Variants in KCNMB3 observed in about 807,000 individuals in gnomAD.
KCNMB3 encodes potassium calcium-activated channel subfamily M regulatory beta subunit 3.
In KCNMB3, 18 loss-of-function variants were observed where a neutral mutation model predicts 11.9. The observed-to-expected ratio is 1.51, with a 90% CI of 1.04 to 2.23. The LOEUF is 2.23. KCNMB3 is among the 30% of genes most tolerant of loss of function. KCNMB3 has a pLI of 0.00. For synonymous variants in KCNMB3, 78 were observed against 119.2 expected (o/e 0.65, Z 2.25); for missense variants, 247 against 329.4 (o/e 0.75, Z 1.94).
rs1379020730 is a variant in KCNMB3, at chr3:179,258,923, T to C, written c.62+7726A>G. The C allele has an allele frequency of 1.9e-6, 3 of 1,612,466 alleles. No individual in the cohort carries two copies. The African/African-American group carries it at 4.0e-5, about 22-fold the overall frequency. ...TGGTGATTGGCATACAGTGCATCTC[T>C]ATGAATTTAGAACATTCTACTTACA... On this transcript the variant is annotated intron_variant, in intron 1 of 3. Coordinates refer to the KCNMB3 transcript ENST00000349697.
intron 1 of KCNMB3, chr3:179,260,280 A>T: frequency 6.2e-7 from 1 of 1,613,968 alleles, no homozygotes; most frequent in Non-Finnish European, 8.5e-7. Context: ...ATTTGACTCA[A>T]CCTGTGCTGT....
At chr3:179,262,867 G>A (rs1280647620) in intron 1 of KCNMB3, among the ~76,000 whole-genome samples, 1 of 152,240 alleles carries the variant, frequency 6.6e-6, no homozygotes, top group East Asian at 1.9e-4. Flanking sequence ...GATACAGGGT[G>A]CTGATTGGTG....
chr3:179,259,779 T>C, intron 1 of KCNMB3: 2 of 1,601,794 alleles, frequency 1.2e-6, no homozygotes, highest in Non-Finnish European at 1.7e-6. Context: ...CTGTTGGTCA[T>C]TCTTTTCTTC....
upstream of KCNMB3, among the ~76,000 whole-genome samples, chr3:179,256,370 A>G (rs1322339070): frequency 6.6e-6 from 1 of 152,196 alleles, no homozygotes; most frequent in African/African-American, 2.4e-5. Flanking sequence ...CAGGAGGCAG[A>G]GGTTGCAGTA....
Position 179,263,795 on chromosome 3 carries a change from CTTT to C in KCNMB3, c.62+2851_62+2853del, listed in dbSNP as rs1181078403. 3.6e-5 allele frequency among the ~76,000 whole-genome samples: 4 copies of C among 110,098 alleles called. No individual in the cohort carries two copies. The East Asian group carries it at 1.1e-3, about 30-fold the overall frequency. 72.2% of individuals were successfully genotyped at this position (110,098 alleles called of 152,430 possible). ...TTGTTTCTGTTTTGTTTTTCTTTTT[CTTT>C]TCTTTTTTTTTTTTTTTTTTTTTTT... On this transcript the variant is annotated intron_variant, in intron 1 of 3. Transcript: ENST00000349697.
At chr3:179,250,707 A>T in intron 1 of KCNMB3, 36 bp downstream of exon 1, 1 of 1,607,344 alleles carries the variant, frequency 6.2e-7, no homozygotes, top group Non-Finnish European at 8.5e-7. Context: ...TCTTATCTGA[A>T]TTGGAAACTC....
intron 1 of KCNMB3, chr3:179,259,651 T>G: frequency 1.2e-6 from 2 of 1,609,316 alleles, no homozygotes; most frequent in Non-Finnish European, 1.7e-6. Flanking sequence ...AAATCTGTGT[T>G]CTGATAAGTT....
At chr3:179,263,732 C>T (rs1187939035) in intron 1 of KCNMB3, among the ~76,000 whole-genome samples, 2 of 151,526 alleles carry the variant, frequency 1.3e-5, no homozygotes, top group Non-Finnish European at 2.9e-5. Context: ...TGGGTTAATC[C>T]CCTCCTGCTC....
chr3:179,247,477 A>G (rs995248028), intron 1 of KCNMB3, among the ~76,000 whole-genome samples: 2 of 152,070 alleles, frequency 1.3e-5, no homozygotes, highest in Non-Finnish European at 2.9e-5. Context: ...CCTGGACAAC[A>G]TAGTGAGATC....
intron 1 of KCNMB3, among the ~76,000 whole-genome samples, chr3:179,262,348 G>A (rs547680867): frequency 2.8e-4 from 42 of 152,266 alleles, no homozygotes; most frequent in African/African-American, 8.7e-4. Context: ...GCGGACCTTC[G>A]CAGTGAGTGT....
chr3:179,251,703 C>G, upstream of KCNMB3: 2 of 1,172,402 alleles, frequency 1.7e-6, no homozygotes, highest in South Asian at 4.3e-5. Context: ...TTTTGTTTGG[C>G]CTTCTCTGTC....
At chr3:179,246,606 CA>C (rs1181187241) in intron 1 of KCNMB3, among the ~76,000 whole-genome samples, 1 of 152,062 alleles carries the variant, frequency 6.6e-6, no homozygotes, top group Admixed American at 6.6e-5. Context: ...AAATACTGGG[CA>C]AGTGAAAATA....
chr3:179,260,997 T>C lies in KCNMB3; in HGVS notation c.62+5652A>G, dbSNP rs1313042159. 6.2e-6 allele frequency: 6 copies of C among 972,140 alleles called. No homozygotes were observed. In the East Asian group the frequency reaches 1.4e-4, roughly 23 times the overall value. The allele number at this position is 972,140 out of a possible 1,614,324, so 60.2% of individuals were successfully genotyped here. A position where few individuals can be genotyped will look rare whatever the true frequency, so the allele number is the denominator to read the frequency against. On this transcript the variant is annotated intron_variant, in intron 1 of 3. Coordinates refer to the KCNMB3 transcript ENST00000349697. ...ATGGACGCCTCGGTGTCGATGGATA[T>C]AGAGGTGTCTCCGCTGCCTCTCTGA...
intron 1 of KCNMB3, chr3:179,260,343 T>C (rs184661640): frequency 1.9e-6 from 3 of 1,614,022 alleles, no homozygotes; most frequent in African/African-American, 1.3e-5. Context: ...CTGTTCCTCA[T>C]AGGTAGCACC....
intron 1 of KCNMB3, among the ~76,000 whole-genome samples, chr3:179,244,975 T>C (rs1725587795): frequency 1.3e-5 from 2 of 152,226 alleles, no homozygotes; most frequent in Admixed American, 1.3e-4. Context: ...AACTTCAGAA[T>C]CATCTGTGAG....
intron 1 of KCNMB3, among the ~76,000 whole-genome samples, chr3:179,257,338 T>C (rs1726043663): frequency 6.6e-6 from 1 of 152,238 alleles, no homozygotes; most frequent in South Asian, 2.1e-4. Context: ...TTTGGTCTTT[T>C]TGCATTCAAT....
intron 1 of KCNMB3, among the ~76,000 whole-genome samples, chr3:179,248,440 A>G (rs1402226121): frequency 6.6e-6 from 1 of 152,176 alleles, no homozygotes; most frequent in East Asian, 1.9e-4. Context: ...CAAAAATTTA[A>G]CTACTGGTCA....
At chr3:179,263,892 G>A (rs949918051) in intron 1 of KCNMB3, among the ~76,000 whole-genome samples, 5 of 128,988 alleles carry the variant, frequency 3.9e-5, no homozygotes, top group Admixed American at 3.8e-4. Flanking sequence ...TACAACCTCT[G>A]CTTCCCGGGT....
intron 1 of KCNMB3, chr3:179,260,217 T>C (rs1302092446): frequency 1.2e-6 from 2 of 1,613,846 alleles, no homozygotes; most frequent in East Asian, 2.2e-5. Context: ...ACTCCAACAG[T>C]TGGATGGCTC....
Sources: gnomAD v4.1 joint callset for allele counts (sites outside exome capture counted in the v4.1 genomes callset) on GRCh38, gnomAD v4.1.1 for gene constraint, MANE v1.5 for transcripts, NCBI Gene and HGNC (gene_info 2026-07-23, HGNC 2026-07-21) for gene names.